The following GRTP1 variants were observed in gnomAD, a reference collection of about 807,000 sequenced individuals.
The protein encoded by GRTP1 is growth hormone regulated TBC protein 1, also known as growth hormone-regulated TBC protein 1.
GRTP1 carries 56 observed loss-of-function variants against 38.1 expected under a neutral mutation model. The ratio of observed to expected loss-of-function variants is 1.47; its 90% CI spans 1.19 to 1.84. The LOEUF is 1.84. Ranked by LOEUF, GRTP1 falls within the 40% of genes most tolerant of loss-of-function variation. The probability of loss-of-function intolerance (pLI) is 0.00; values close to 1 mark genes in which losing one functional copy is unlikely to be tolerated. For synonymous variants in GRTP1, 217 were observed against 189.5 expected (o/e 1.14, Z -1.19); for missense variants, 506 against 453.9 (o/e 1.11, Z -1.04).
intron 5 of GRTP1, among the ~76,000 whole-genome samples, chr13:113,333,734 G>A (rs2042908663): frequency 6.6e-6 from 1 of 151,702 alleles, no homozygotes; most frequent in Admixed American, 6.6e-5. Flanking sequence ...TGAGCAATCT[G>A]CCTGCCTAGG....
At chr13:113,354,256 G>A (rs1444608261) in intron 3 of GRTP1, among the ~76,000 whole-genome samples, 1 of 152,072 alleles carries the variant, frequency 6.6e-6, no homozygotes, top group East Asian at 1.9e-4. Flanking sequence ...CCATCACTCT[G>A]TGGTCAGGAT....
chr13:113,338,406 C>T (rs545862848), intron 5 of GRTP1, among the ~76,000 whole-genome samples: 4 of 152,264 alleles, frequency 2.6e-5, no homozygotes, highest in African/African-American at 9.6e-5. Flanking sequence ...GTAAAAGTAA[C>T]TCCCTTAATT....
intron 5 of GRTP1, among the ~76,000 whole-genome samples, chr13:113,332,363 G>GCA (rs2042887327): frequency 7.3e-6 from 1 of 137,602 alleles, no homozygotes; most frequent in East Asian, 2.2e-4. Flanking sequence ...GTACACACGT[G>GCA]CACACGCACA....
At chr13:113,326,806 G>A (rs150215758) in intron 5 of GRTP1, among the ~76,000 whole-genome samples, 162 of 152,268 alleles carry the variant, frequency 1.1e-3, no homozygotes, top group African/African-American at 3.8e-3. Context: ...GCAGACAAGT[G>A]GATAACCAAC....
At chr13:113,346,042 G>A (rs1595494431) in intron 4 of GRTP1, among the ~76,000 whole-genome samples, 2 of 85,970 alleles carry the variant, frequency 2.3e-5, no homozygotes, top group African/African-American at 8.6e-5. Context: ...AGACATCTGT[G>A]GCCGAGAGCA....
At chr13:113,332,042 G>C (rs560216602) in intron 5 of GRTP1, among the ~76,000 whole-genome samples, 42 of 151,720 alleles carry the variant, frequency 2.8e-4, no homozygotes, top group African/African-American at 9.9e-4. Flanking sequence ...GCCGAGGTGG[G>C]AGGATTGCTT....
At chr13:113,325,316 C>A in intron 7 of GRTP1, 1 of 1,370,036 alleles carries the variant, frequency 7.3e-7, no homozygotes, top group South Asian at 1.9e-5. Context: ...ACGCCCTCAT[C>A]AGGACCTGAG....
At chr13:113,346,036 ATCTGTGGCCGAGAGCAGACCCG>A (rs1566428739) in intron 4 of GRTP1, among the ~76,000 whole-genome samples, 2 of 30,422 alleles carry the variant, frequency 6.6e-5, no homozygotes, top group African/African-American at 2.3e-4. Context: ...CTGGGAAGAC[ATCTGTGGCCGAGAGCAGACCCG>A]GGAGGACCTC....
chr13:113,361,767 A>C (rs546537803), intron 2 of GRTP1: 1 of 152,358 alleles, frequency 6.6e-6, no homozygotes, highest in African/African-American at 2.4e-5. Context: ...GTATGATTAA[A>C]GTGTTTACCA....
At chr13:113,328,160 C>G (rs2042802931) in intron 5 of GRTP1, among the ~76,000 whole-genome samples, 1 of 152,230 alleles carries the variant, frequency 6.6e-6, no homozygotes, top group African/African-American at 2.4e-5. Context: ...TCTCGCGCCG[C>G]TATCCCCCCA....
At chr13:113,363,960 G>A in intron 1 of GRTP1, 50 bp from the exon 2 acceptor site, 1 of 1,576,766 alleles carries the variant, frequency 6.3e-7, no homozygotes. Context: ...TCCTCTGGGG[G>A]GTCGCGGGCC....
chr13:113,344,003 A>G (rs2043062699), intron 5 of GRTP1, among the ~76,000 whole-genome samples: 1 of 152,210 alleles, frequency 6.6e-6, no homozygotes, highest in African/African-American at 2.4e-5. Context: ...ACTAATAAAT[A>G]CACTTTAATT....
chr13:113,333,829 TA>T (rs1566418461), intron 5 of GRTP1, among the ~76,000 whole-genome samples: 1 of 109,664 alleles, frequency 9.1e-6, no homozygotes, highest in Non-Finnish European at 1.8e-5. Flanking sequence ...TTTATTTATT[TA>T]TTTATTTAGT....
intron 7 of GRTP1, chr13:113,324,797 G>A (rs916564719): frequency 7.0e-6 from 9 of 1,285,932 alleles, no homozygotes; most frequent in Admixed American, 4.0e-5. Context: ...TGAATCAAAC[G>A]GTGGAAGAAA....
intron 3 of GRTP1, among the ~76,000 whole-genome samples, chr13:113,351,322 C>T (rs930609406): frequency 1.3e-5 from 2 of 152,218 alleles, no homozygotes; most frequent in East Asian, 1.9e-4. Context: ...TCGCGCGTAG[C>T]GGAGGCAACT....
chr13:113,346,233 C>CCCAGGAGGATCTCTGTGGCTGAGCGGAT (rs2043125347), intron 4 of GRTP1, among the ~76,000 whole-genome samples: 5 of 51,712 alleles, frequency 9.7e-5, no homozygotes, highest in Non-Finnish European at 1.9e-4. Flanking sequence ...TGAGAACAGA[C>CCCAGGAGGATCTCTGTGGCTGAGCGGAT]CCGGGAGGAC....
intron 2 of GRTP1, among the ~76,000 whole-genome samples, chr13:113,361,230 A>G (rs1366037301): frequency 7.8e-6 from 1 of 128,642 alleles, no homozygotes; most frequent in Non-Finnish European, 1.7e-5. Flanking sequence ...AAAAAAAAAA[A>G]GCAAAAACAA....
At chr13:113,356,036 G>A (rs1036707081) in intron 2 of GRTP1, among the ~76,000 whole-genome samples, 6 of 125,968 alleles carry the variant, frequency 4.8e-5, no homozygotes, top group Admixed American at 8.6e-5. Context: ...AATGGCCACA[G>A]AAACATATAG....
At chr13:113,326,707 G>A (rs1239506722) in intron 5 of GRTP1, among the ~76,000 whole-genome samples, 1 of 150,732 alleles carries the variant, frequency 6.6e-6, no homozygotes, top group Non-Finnish European at 1.5e-5. Flanking sequence ...AGGTGGAAAA[G>A]AGAGTCCCAA....
Sources: gnomAD v4.1 joint callset for allele counts (sites outside exome capture counted in the v4.1 genomes callset) on GRCh38, gnomAD v4.1.1 for gene constraint, MANE v1.5 for transcripts, NCBI Gene and HGNC (gene_info 2026-07-23, HGNC 2026-07-21) for gene names.